Variants in CHD6 observed in about 807,000 individuals in gnomAD.
The protein encoded by CHD6 is ATP-dependent chromatin remodeler CHD6.
A neutral mutation model predicts 276.9 loss-of-function variants in CHD6; 50 were observed. That is an observed-to-expected ratio of 0.18 (90% confidence interval 0.14 to 0.23). The LOEUF is 0.23. Among genes scored for constraint, CHD6 ranks in the 10% least tolerant of loss-of-function variants. The pLI, the probability that CHD6 is intolerant of heterozygous loss-of-function variation, is 1.00. For synonymous variants in CHD6, 1,173 were observed against 1,229.3 expected (o/e 0.95, Z 0.96); for missense variants, 2,564 against 3,365.8 (o/e 0.76, Z 5.89).
chr20:41,447,618 A>G (rs748856075), intron 24 of CHD6, among the ~76,000 whole-genome samples: 5 of 152,230 alleles, frequency 3.3e-5, no homozygotes, highest in Non-Finnish European at 7.3e-5. Flanking sequence ...AAGAAAATTT[A>G]TAACACTTTT....
chr20:41,555,813 G>A (rs1180794435), intron 1 of CHD6, among the ~76,000 whole-genome samples: 7 of 151,820 alleles, frequency 4.6e-5, no homozygotes, highest in Non-Finnish European at 7.4e-5. Context: ...GACGATGGGC[G>A]GCCAGGCAGA....
chr20:41,523,395 G>A (rs779809363), intron 3 of CHD6, among the ~76,000 whole-genome samples: 4 of 152,128 alleles, frequency 2.6e-5, no homozygotes, highest in Non-Finnish European at 4.4e-5. Context: ...TAACATTTTT[G>A]AGAGTCAAAG....
chr20:41,569,991 A>C (rs1326608325), intron 1 of CHD6, among the ~76,000 whole-genome samples: 1 of 152,176 alleles, frequency 6.6e-6, no homozygotes, highest in African/African-American at 2.4e-5. Context: ...TCATCAGTCC[A>C]AGCACTGAGA....
Position 41,404,516 on chromosome 20 carries a change from G to A in CHD6, c.*77C>T. ...TATGGAAACACAGGTTCTTATGGAG[G>A]TGAAGTGAGGGAAGTAACAAACCTT... On this transcript the variant is annotated 3_prime_UTR_variant, in exon 37 of 37. Coordinates refer to ENST00000373233, the MANE Select transcript of CHD6 (RefSeq NM_032221.5). 1 of 1,435,662 alleles carries A rather than the reference G, an allele frequency of 7.0e-7. No individual in the cohort carries two copies. The highest frequency in any genetic ancestry group is 9.2e-7 in the Non-Finnish European group (1 of 1,092,074). 88.9% of individuals were successfully genotyped at this position (1,435,662 alleles called of 1,614,324 possible). A position where few individuals can be genotyped will look rare whatever the true frequency, so the allele number is the denominator to read the frequency against.
chr20:41,569,850 T>C (rs2045398327), intron 1 of CHD6, among the ~76,000 whole-genome samples: 1 of 152,204 alleles, frequency 6.6e-6, no homozygotes, highest in East Asian at 1.9e-4. Context: ...TATAGGCAAT[T>C]ACTATGCCAT....
Position 41,556,326 on chromosome 20 carries a change from C to CT in CHD6, c.-23-4967dup, listed in dbSNP as rs537227082. Among the ~76,000 whole-genome samples, 496 of 102,224 alleles carry CT rather than the reference C, an allele frequency of 4.9e-3. 71 individuals are homozygous for CT. The highest frequency in any genetic ancestry group is 0.013 in the African/African-American group (319 of 24,598). 67.1% of individuals were successfully genotyped at this position (102,224 alleles called of 152,430 possible). ...GGGAGACGGGAGAGGGAGAGGGCAC[C>CT]TTTTTTTTTTTTTTTTTGAGACAGT... On this transcript the variant is annotated intron_variant, in intron 1 of 36. Coordinates refer to ENST00000373233, the MANE Select transcript of CHD6 (RefSeq NM_032221.5).
rs2047192637 is a variant in CHD6 at position 41,421,535 on chromosome 20, A to C, written c.5100T>G (p.Pro1700=). Residue 1700 remains proline, a synonymous_variant, in exon 31 of 37, where the codon CCT becomes CCG. Transcript: ENST00000373233. ...CATACATCATGCTCTCTAAGGACTC[A>C]GGCAGCAGACTTTCATCATGGTTGA... ...ISINHDESLL[P]ESLESMMYGK... 4 of 1,612,350 alleles carry C rather than the reference A, an allele frequency of 2.5e-6. No individual in the cohort carries two copies. Among genetic ancestry groups the C allele is most frequent in the Middle Eastern group, 1.7e-4 (1 of 6,042 alleles).
intron 2 of CHD6, among the ~76,000 whole-genome samples, chr20:41,534,154 G>T (rs1364637149): frequency 6.6e-6 from 1 of 152,198 alleles, no homozygotes. Flanking sequence ...GCTAAGGTTG[G>T]TGATAGTCGG....
chr20:41,579,523 G>A (rs1455597759), intron 1 of CHD6, among the ~76,000 whole-genome samples: 1 of 151,686 alleles, frequency 6.6e-6, no homozygotes, highest in Non-Finnish European at 1.5e-5. Context: ...CACCGTCCAT[G>A]AGGCATGAAA....
intron 1 of CHD6, among the ~76,000 whole-genome samples, chr20:41,566,494 C>T (rs2045356776): frequency 6.6e-6 from 1 of 152,138 alleles, no homozygotes; most frequent in African/African-American, 2.4e-5. Context: ...TGGTCTATCC[C>T]CAAGTTCCCT....
chr20:41,568,625 A>G (rs1284784281), intron 1 of CHD6, among the ~76,000 whole-genome samples: 1 of 152,226 alleles, frequency 6.6e-6, no homozygotes, highest in African/African-American at 2.4e-5. Context: ...GCTTCCTCCT[A>G]TAACTCTGCT....
At chr20:41,476,137 G>C (rs999978720) in intron 16 of CHD6, among the ~76,000 whole-genome samples, 2 of 152,132 alleles carry the variant, frequency 1.3e-5, no homozygotes, top group Non-Finnish European at 2.9e-5. Flanking sequence ...GAGAGGCAAA[G>C]AGGCTCAAGA....
At chr20:41,480,685 T>G (rs1054777941) in intron 16 of CHD6, among the ~76,000 whole-genome samples, 2 of 152,106 alleles carry the variant, frequency 1.3e-5, no homozygotes, top group South Asian at 2.1e-4. Flanking sequence ...TTACAACTAA[T>G]ATCATTATTT....
At position 41,504,077 on chromosome 20, in the gene CHD6, C is replaced by CAAAA. The variant is rs1189323419; in HGVS notation, c.853-4724_853-4721dup. Among the ~76,000 whole-genome samples the CAAAA allele has an allele frequency of 5.7e-3, 155 of 27,078 alleles. 12 individuals are homozygous for CAAAA. Among genetic ancestry groups the CAAAA allele is most frequent in the African/African-American group, 9.3e-3 (72 of 7,710 alleles). The allele number at this position is 27,078 out of a possible 152,430, so 17.8% of individuals were successfully genotyped here. On this transcript the variant is annotated intron_variant, in intron 5 of 36. Transcript: ENST00000373233. The stretch of plus-strand genomic sequence containing the variant: ...TGGGTGATAGAGTGAGACTCTGTCT[C>CAAAA]AAAAAAAAAAAAAAAAAAAAAAAAA...
At chr20:41,417,666 G>C (rs1256324456) in intron 31 of CHD6, among the ~76,000 whole-genome samples, 1 of 152,132 alleles carries the variant, frequency 6.6e-6, no homozygotes, top group African/African-American at 2.4e-5. Flanking sequence ...CCACAAAGAG[G>C]CTTCTCACTT....
chr20:41,509,986 G>T (rs1212893369), intron 5 of CHD6, among the ~76,000 whole-genome samples: 1 of 152,138 alleles, frequency 6.6e-6, no homozygotes, highest in African/African-American at 2.4e-5. Flanking sequence ...GCTGGGACAA[G>T]GGCCAGCAGT....
intron 14 of CHD6, 114 bp downstream of exon 14, chr20:41,487,551 T>A: frequency 9.9e-7 from 1 of 1,012,206 alleles, no homozygotes; most frequent in Non-Finnish European, 1.5e-6. Context: ...GAGGTAACGC[T>A]CATTTTACCA....
At chr20:41,430,922 C>T (rs1247145158) in intron 27 of CHD6, among the ~76,000 whole-genome samples, 19 of 144,546 alleles carry the variant, frequency 1.3e-4, no homozygotes, top group African/African-American at 4.4e-4. Context: ...TGTGGTGGCT[C>T]GATCTTGGCT....
Position 41,533,316 on chromosome 20 carries a change from C to T in CHD6, c.288G>A (p.Arg96=), listed in dbSNP as rs768706624. Residue 96 remains arginine (R), a synonymous_variant, in exon 3 of 37, where the codon CGG becomes CGA. Transcript: ENST00000373233. ...GGGGTGVKKK[R]KKKEPGDQEG... is the part of the protein sequence containing the mutation. ...CTTGGTCTCCTGGCTCCTTTTTCTT[C>T]CGTTTCTTCTTCACTCCAGTACCTC... The T allele has an allele frequency of 6.4e-5, 103 of 1,613,900 alleles. No homozygotes were observed. The South Asian group carries it at 1.1e-3, about 17-fold the overall frequency.
Sources: gnomAD v4.1 joint callset for allele counts (sites outside exome capture counted in the v4.1 genomes callset) on GRCh38, gnomAD v4.1.1 for gene constraint, MANE v1.5 for transcripts, NCBI Gene and HGNC (gene_info 2026-07-23, HGNC 2026-07-21) for gene names.